ARHGAP21: variants seen among roughly 807,000 people sequenced by gnomAD.
ARHGAP21 encodes the protein Rho GTPase activating protein 21, also known as rho GTPase-activating protein 21.
ARHGAP21 carries 38 observed loss-of-function variants against 164.6 expected under a neutral mutation model. The observed-to-expected ratio is 0.23, with a 90% confidence interval of 0.18 to 0.30. ARHGAP21 has a LOEUF of 0.30. ARHGAP21 is among the 10% of genes least tolerant of loss of function. ARHGAP21 has a pLI of 1.00. For synonymous variants in ARHGAP21, 766 were observed against 857.9 expected (o/e 0.89, Z 1.87); for missense variants, 1,822 against 2,370.7 (o/e 0.77, Z 4.81).
chr10:24,639,340 G>C (rs775632896), intron 4 of ARHGAP21, among the ~76,000 whole-genome samples: 37 of 152,134 alleles, frequency 2.4e-4, no homozygotes, highest in Non-Finnish European at 3.5e-4. Context: ...CCAGTTTACT[G>C]ATCTGAAAAA....
At chr10:24,624,324 T>C (rs1834861899) in intron 7 of ARHGAP21, among the ~76,000 whole-genome samples, 1 of 148,286 alleles carries the variant, frequency 6.7e-6, no homozygotes, top group African/African-American at 2.5e-5. Context: ...GCCTGGGAAA[T>C]GCTGTTCTAG....
chr10:24,596,559 G>T, intron 17 of ARHGAP21, 181 bp downstream of exon 17: 1 of 708,170 alleles, frequency 1.4e-6, no homozygotes. Context: ...ATTCAATTTC[G>T]GAGTCAATAC....
intron 21 of ARHGAP21, among the ~76,000 whole-genome samples, chr10:24,592,857 G>A (rs2076397563): frequency 6.6e-6 from 1 of 152,104 alleles, no homozygotes; most frequent in African/African-American, 2.4e-5. Context: ...AATCACTAAT[G>A]TGTAAACACC....
intron 4 of ARHGAP21, among the ~76,000 whole-genome samples, chr10:24,649,645 T>C (rs1837956338): frequency 6.6e-6 from 1 of 151,974 alleles, no homozygotes; most frequent in Non-Finnish European, 1.5e-5. Flanking sequence ...AGATTTTTTG[T>C]CTTAGATCTC....
chr10:24,697,854 C>G (rs1344369368), intron 2 of ARHGAP21, among the ~76,000 whole-genome samples: 3 of 151,458 alleles, frequency 2.0e-5, no homozygotes, highest in African/African-American at 7.3e-5. Flanking sequence ...GAGCGAAACT[C>G]CATCTCAAAA....
chr10:24,628,530 A>C (rs1351241944), intron 7 of ARHGAP21, among the ~76,000 whole-genome samples: 5 of 152,152 alleles, frequency 3.3e-5, no homozygotes, highest in Middle Eastern at 3.4e-3. Context: ...TTCCATTACC[A>C]CGACAAAGAG....
chr10:24,720,769 T>C (rs556412471), intron 2 of ARHGAP21, among the ~76,000 whole-genome samples: 1 of 152,234 alleles, frequency 6.6e-6, no homozygotes, highest in South Asian at 2.1e-4. Flanking sequence ...AAATTTAACA[T>C]CCGGTGCAAA....
intron 4 of ARHGAP21, chr10:24,640,308 A>C (rs1489743639): frequency 6.6e-6 from 1 of 150,484 alleles, no homozygotes; most frequent in Non-Finnish European, 1.5e-5. Context: ...ATATATATAT[A>C]AGAAAGAAAG....
At chr10:24,663,923 T>C (rs975387517) in intron 4 of ARHGAP21, among the ~76,000 whole-genome samples, 3 of 152,066 alleles carry the variant, frequency 2.0e-5, no homozygotes, top group Admixed American at 6.6e-5. Context: ...ACTCCCCCTC[T>C]CCCAACTGTG....
intron 14 of ARHGAP21, among the ~76,000 whole-genome samples, chr10:24,599,952 T>C (rs190499791): frequency 2.0e-5 from 3 of 151,978 alleles, no homozygotes; most frequent in African/African-American, 4.8e-5. Context: ...GCTAACACGG[T>C]GAAACCCCAT....
intron 4 of ARHGAP21, among the ~76,000 whole-genome samples, chr10:24,665,369 G>T (rs1290186134): frequency 6.6e-6 from 1 of 151,804 alleles, no homozygotes; most frequent in African/African-American, 2.4e-5. Context: ...ACCTCAAATG[G>T]TTATTACAAA....
rs781623086 is a variant in ARHGAP21, at chr10:24,600,832, C to T, written c.2946G>A (p.Pro982=). Residue 982 remains proline, a synonymous_variant, in exon 14 of 26, where the codon CCG becomes CCA. Transcript: ENST00000396432. The part of the protein sequence containing the change: ...LYKDKREQTT[P]SEEEQPISVN... ...CACTGATGGGCTGCTCTTCCTCAGA[C>T]GGAGTCGTCTGCTCTCTTTTATCTT... 9.9e-6 allele frequency: 16 copies of T among 1,614,056 alleles called. No homozygotes were observed. The highest frequency in any genetic ancestry group is 3.3e-5 in the South Asian group (3 of 91,092).
chr10:24,650,232 G>A (rs1053663933), intron 4 of ARHGAP21, among the ~76,000 whole-genome samples: 1 of 152,144 alleles, frequency 6.6e-6, no homozygotes, highest in Non-Finnish European at 1.5e-5. Context: ...GGAGCCAGGC[G>A]CAGTGGCTCA....
intron 25 of ARHGAP21, among the ~76,000 whole-genome samples, chr10:24,588,530 T>C (rs1025430441): frequency 6.6e-6 from 1 of 152,034 alleles, no homozygotes; most frequent in Non-Finnish European, 1.5e-5. Flanking sequence ...AATTTAATCA[T>C]ATGGAGTCCT....
At chr10:24,647,552 T>C (rs1837696117) in intron 4 of ARHGAP21, among the ~76,000 whole-genome samples, 1 of 152,202 alleles carries the variant, frequency 6.6e-6, no homozygotes, top group Admixed American at 6.5e-5. Flanking sequence ...ACTAACATAG[T>C]AAATTTTGCA....
chr10:24,649,815 C>G lies in ARHGAP21; in HGVS notation c.269-14712G>C, dbSNP rs541013786. ...TCAAAAACTTCTGATAAAGGAATCA[C>G]CAGGCACAGATTATAAAAAAATTCC... is the stretch of plus-strand genomic sequence containing the variant. On this transcript the variant is annotated intron_variant, in intron 4 of 25. Transcript: ENST00000396432. 3.3e-5 allele frequency among the ~76,000 whole-genome samples: 5 copies of G among 151,788 alleles called. No individual in the cohort carries two copies. The East Asian group carries it at 9.7e-4, about 29-fold the overall frequency.
intron 4 of ARHGAP21, among the ~76,000 whole-genome samples, chr10:24,652,765 CA>C (rs1479545844): frequency 6.6e-6 from 1 of 152,144 alleles, no homozygotes; most frequent in Non-Finnish European, 1.5e-5. Context: ...CTGACAACAG[CA>C]AGTGTCAGTG....
rs2076015489 is a variant in ARHGAP21 at position 24,584,473 on chromosome 10, G to A, written c.5816C>T (p.Ala1939Val). 2 of 1,613,858 alleles carry A rather than the reference G, an allele frequency of 1.2e-6. No individual in the cohort carries two copies. Among genetic ancestry groups the A allele is most frequent in the Non-Finnish European group, 1.7e-6 (2 of 1,179,822 alleles). ...GGTTTCAGACAGTTTATGAGGTTGG[G>A]CATTCGCTGCAGAACTAGCATTTTT... ...VSKNASSAAN[A>V]QPHKLSETPG... Residue 1939 changes from alanine (A) to valine (V), a missense_variant, in exon 26 of 26, where the codon GCC (alanine) becomes GTC (valine). By Grantham distance (64) the Ala-to-Val change is moderately conservative. Around this residue, in one of 5 missense-constraint regions of ARHGAP21, gnomAD observed 165 missense variants for 176.6 expected, o/e 0.93. Coordinates refer to ENST00000396432, the MANE Select transcript of ARHGAP21 (RefSeq NM_020824.4).
At chr10:24,702,287 C>A (rs1843750934) in intron 2 of ARHGAP21, among the ~76,000 whole-genome samples, 1 of 151,692 alleles carries the variant, frequency 6.6e-6, no homozygotes. Flanking sequence ...CCCGCCATCA[C>A]GCCTGGCTAA....
Sources: gnomAD v4.1 joint callset for allele counts (sites outside exome capture counted in the v4.1 genomes callset) on GRCh38, gnomAD v4.1.1 for gene constraint, gnomAD v4.1.1 regional missense constraint, MANE v1.5 for transcripts, NCBI Gene and HGNC (gene_info 2026-07-23, HGNC 2026-07-21) for gene names.